The following UPF2 variants were observed in gnomAD, a reference collection of about 807,000 sequenced individuals.
UPF2 encodes UPF2 regulator of nonsense mediated mRNA decay, also known as regulator of nonsense transcripts 2.
UPF2 carries 17 observed loss-of-function variants against 141.4 expected under a neutral mutation model. That is an observed-to-expected ratio of 0.12 (90% CI 0.08 to 0.18). UPF2 has a LOEUF of 0.18. UPF2 is among the 10% of genes least tolerant of loss of function. The pLI, the probability that UPF2 is intolerant of heterozygous loss-of-function variation, is 1.00. For synonymous variants in UPF2, 540 were observed against 498.0 expected (o/e 1.08, Z -1.12); for missense variants, 1,152 against 1,515.9 (o/e 0.76, Z 3.99).
rs561240794 is a variant in UPF2, at chr10:11,998,507, G to T, written c.1759-750C>A. Among the ~76,000 whole-genome samples the T allele has an allele frequency of 1.3e-5, 2 of 152,036 alleles. No individual in the cohort carries two copies. Among genetic ancestry groups the T allele is most frequent in the East Asian group, 1.9e-4 (1 of 5,142 alleles). ...CAGGGATCCTCCTGCCTCAGCTCCCGGCCAAGCAGCTGAGACTATAGGCAT... is the reference window on the plus strand; with the variant it reads ...CAGGGATCCTCCTGCCTCAGCTCCCTGCCAAGCAGCTGAGACTATAGGCAT... On this transcript the variant is annotated intron_variant, in intron 7 of 21. Transcript: ENST00000357604. This position sits in a 1 kb window ranked among gnomAD's most constrained non-coding sequence, Gnocchi z 4.5.
At chr10:11,975,768 T>C (rs1362036136) in intron 9 of UPF2, among the ~76,000 whole-genome samples, 2 of 152,052 alleles carry the variant, frequency 1.3e-5, no homozygotes, top group African/African-American at 4.8e-5. Flanking sequence ...CCACCCGCCT[T>C]GGCCTCCCAA....
intron 16 of UPF2, among the ~76,000 whole-genome samples, chr10:11,946,629 C>T (rs528891186): frequency 1.3e-5 from 2 of 152,282 alleles, no homozygotes; most frequent in Non-Finnish European, 2.9e-5. Context: ...CTATTCGTAT[C>T]TTTACTCACT....
intron 20 of UPF2, among the ~76,000 whole-genome samples, chr10:11,930,464 C>T (rs1332100581): frequency 1.3e-5 from 2 of 152,142 alleles, no homozygotes; most frequent in Non-Finnish European, 2.9e-5. Context: ...AGTAAGCACC[C>T]AGTGTTAGCT....
chr10:11,985,834 T>A (rs1230160592), intron 8 of UPF2, among the ~76,000 whole-genome samples: 2 of 151,762 alleles, frequency 1.3e-5, no homozygotes, highest in East Asian at 3.9e-4. Context: ...AGATGGGTAT[T>A]TCATCTAATT....
In UPF2 at chr10:11,939,517, C is replaced by CA. The variant is rs1832909792; in HGVS notation, c.3379-2806_3379-2805insT. Among the ~76,000 whole-genome samples the CA allele has an allele frequency of 6.8e-6, 1 of 146,462 alleles. No homozygotes were observed. Among genetic ancestry groups the CA allele is most frequent in the Non-Finnish European group, 1.5e-5 (1 of 66,470 alleles). On this transcript the variant is annotated intron_variant, in intron 18 of 21. Transcript: ENST00000357604. The surrounding 1 kb of genome is among the most constrained non-coding windows in gnomAD (Gnocchi z 4.8). ...TTATTGTCAGTTTAAAATGTTTTAT[C>CA]TTTTTTTTTTTTTAAGACGAAGTCT...
chr10:11,964,472 CA>C (rs1296218572), intron 10 of UPF2, among the ~76,000 whole-genome samples: 1 of 152,164 alleles, frequency 6.6e-6, no homozygotes, highest in African/African-American at 2.4e-5. Context: ...ATTCTCACTA[CA>C]AAAGTATTAT....
At chr10:11,930,827 GAGATTAAA>G (rs2131152179) in intron 20 of UPF2, among the ~76,000 whole-genome samples, 1 of 152,236 alleles carries the variant, frequency 6.6e-6, no homozygotes, top group South Asian at 2.1e-4. Context: ...TTCTACAAGT[GAGATTAAA>G]AGATTGGAAA....
chr10:11,960,134 G>A (rs560964149), intron 11 of UPF2, among the ~76,000 whole-genome samples: 1 of 152,132 alleles, frequency 6.6e-6, no homozygotes. Flanking sequence ...AGCCACTCTG[G>A]CCTCTACCCA....
chr10:11,978,979 C>A, intron 9 of UPF2, 78 bp downstream of exon 9: 1 of 1,178,516 alleles, frequency 8.5e-7, no homozygotes, highest in South Asian at 1.4e-5. Flanking sequence ...ATATGCTTAC[C>A]AACAATTACA....
intron 8 of UPF2, among the ~76,000 whole-genome samples, chr10:11,985,884 C>CTTTTTTTTTTTTTTTTTT (rs746117868): frequency 2.1e-4 from 21 of 100,724 alleles, no homozygotes; most frequent in South Asian, 3.7e-4. Flanking sequence ...TAGATCCTTC[C>CTTTTTTTTTTTTTTTTTT]TTTTTTTTTT....
rs1588562328 is a variant in UPF2 at position 12,001,593 on chromosome 10, AG to A, written c.1654+82del. On this transcript the variant is annotated intron_variant, in intron 6 of 21. Coordinates refer to ENST00000357604, the MANE Select transcript of UPF2 (RefSeq NM_015542.4). ...CAAGGAATTAAAAAATACAGAATTA[AG>A]GAGAAAAGATCTATATTCTTAGGCA... is the stretch of plus-strand genomic sequence containing the variant. The A allele has an allele frequency of 6.2e-6, 8 of 1,296,218 alleles. No homozygotes were observed. In the East Asian group the frequency reaches 1.7e-4, roughly 27 times the overall value. 80.3% of individuals were successfully genotyped at this position (1,296,218 alleles called of 1,614,324 possible).
chr10:11,963,890 T>G (rs1298895592), intron 11 of UPF2, 119 bp downstream of exon 11: 3 of 677,964 alleles, frequency 4.4e-6, no homozygotes, highest in Middle Eastern at 2.6e-4. Context: ...CCACTTTAAG[T>G]AGAAATGTTT....
chr10:11,951,029 G>A (rs1833067563), intron 15 of UPF2, among the ~76,000 whole-genome samples: 1 of 152,122 alleles, frequency 6.6e-6, no homozygotes, highest in Non-Finnish European at 1.5e-5. Flanking sequence ...TCAAACACTA[G>A]CTTAATAGTC....
intron 19 of UPF2, among the ~76,000 whole-genome samples, chr10:11,934,775 A>T (rs963125685): frequency 8.5e-5 from 13 of 152,066 alleles, no homozygotes; most frequent in Non-Finnish European, 1.3e-4. Context: ...TTTTTAGTAG[A>T]GACGGGGTTT....
At chr10:12,036,340 G>A (rs1259806353) in intron 1 of UPF2, among the ~76,000 whole-genome samples, 1 of 152,156 alleles carries the variant, frequency 6.6e-6, no homozygotes, top group Non-Finnish European at 1.5e-5. Context: ...ATATCCGTCG[G>A]AGAAAAAATT....
At chr10:11,937,001 C>T (rs1362731289) in intron 18 of UPF2, among the ~76,000 whole-genome samples, 1 of 152,196 alleles carries the variant, frequency 6.6e-6, no homozygotes, top group Admixed American at 6.5e-5. Context: ...GCGGGTTCTA[C>T]CAAATCCCCC....
rs555969836 is a variant in UPF2, at chr10:11,987,916, T to G, written c.1845-8751A>C. 3.9e-5 allele frequency among the ~76,000 whole-genome samples: 6 copies of G among 152,084 alleles called. No homozygotes were observed. In the South Asian group the frequency reaches 1.0e-3, roughly 26 times the overall value. On this transcript the variant is annotated intron_variant, in intron 8 of 21. Transcript: ENST00000357604. ...ACCTTTAAGAACTGTAAAGATGAAC[T>G]ACATCAAACTTTAAAAACTGTGCTG...
intron 19 of UPF2, among the ~76,000 whole-genome samples, chr10:11,933,760 T>C (rs1040597515): frequency 6.6e-6 from 1 of 152,230 alleles, no homozygotes; most frequent in African/African-American, 2.4e-5. Flanking sequence ...AGATGGGGTG[T>C]AGAGTTGACA....
chr10:11,922,137 A>G (rs1345900802), intron 21 of UPF2, among the ~76,000 whole-genome samples: 4 of 152,214 alleles, frequency 2.6e-5, no homozygotes, highest in Admixed American at 2.6e-4. Flanking sequence ...CCCCAGCAGT[A>G]GAAGGCAGGC....
Sources: allele counts gnomAD v4.1 joint callset (sites outside exome capture counted in the v4.1 genomes callset), GRCh38; gene constraint gnomAD v4.1.1; non-coding constraint Gnocchi (gnomAD v3.1); transcripts MANE v1.5; gene names NCBI Gene and HGNC (gene_info 2026-07-23, HGNC 2026-07-21).